TTC39C: variants seen among roughly 807,000 people sequenced by gnomAD.
TTC39C encodes the protein tetratricopeptide repeat domain 39C.
In TTC39C, 33 loss-of-function variants were observed where a neutral mutation model predicts 76.3. That is an observed-to-expected ratio of 0.43 (90% confidence interval 0.33 to 0.58). The LOEUF (loss-of-function observed/expected upper bound fraction) is 0.58, where lower values mean the gene tolerates loss of function less well. TTC39C is among the 20% of genes least tolerant of loss of function. The pLI is 0.04. For synonymous variants in TTC39C, 254 were observed against 260.6 expected (o/e 0.97, Z 0.24); for missense variants, 595 against 701.4 (o/e 0.85, Z 1.71).
At chr18:24,048,919 TG>T (rs2083917560) in intron 1 of TTC39C, among the ~76,000 whole-genome samples, 1 of 152,222 alleles carries the variant, frequency 6.6e-6, no homozygotes, top group Non-Finnish European at 1.5e-5. Context: ...CTTTTTAAAT[TG>T]GTAAAATTTA....
intron 1 of TTC39C, among the ~76,000 whole-genome samples, chr18:23,993,203 G>T (rs773666002): frequency 6.6e-6 from 1 of 152,158 alleles, no homozygotes; most frequent in South Asian, 2.1e-4. Context: ...AAATAGACAA[G>T]ACATATAATG....
chr18:24,050,289 GCCT>G (rs1214740084), intron 1 of TTC39C, among the ~76,000 whole-genome samples: 2 of 152,062 alleles, frequency 1.3e-5, no homozygotes, highest in Non-Finnish European at 2.9e-5. Context: ...GTGAAATGTG[GCCT>G]GGTGCAGTGG....
rs528923077 is a variant in TTC39C, at chr18:24,124,542, C to G, written c.1296+599C>G. Among the ~76,000 whole-genome samples, 12 of 152,256 alleles carry G rather than the reference C, an allele frequency of 7.9e-5. No homozygotes were observed. The East Asian group carries it at 2.3e-3, about 29-fold the overall frequency. On this transcript the variant is annotated intron_variant, in intron 9 of 13. Transcript: ENST00000317571. The stretch of plus-strand genomic sequence containing the variant: ...GGCCCAAGACTGTAGAGACAGTATT[C>G]CTATGTATTCTGTACTTCTGTGAAT...
intron 8 of TTC39C, among the ~76,000 whole-genome samples, chr18:24,121,626 T>A (rs1005986224): frequency 6.6e-6 from 1 of 152,136 alleles, no homozygotes; most frequent in African/African-American, 2.4e-5. Context: ...ATAGGTGGTG[T>A]TCGTTCTTCA....
chr18:24,091,087 G>A (rs1480191886), intron 6 of TTC39C, among the ~76,000 whole-genome samples: 1 of 152,162 alleles, frequency 6.6e-6, no homozygotes, highest in Admixed American at 6.5e-5. Context: ...GATTACAGGC[G>A]TAAGCCGCCA....
chr18:24,096,588 C>T (rs1255869233), intron 6 of TTC39C, among the ~76,000 whole-genome samples: 1 of 152,110 alleles, frequency 6.6e-6, no homozygotes, highest in Non-Finnish European at 1.5e-5. Context: ...ATGAGATGTA[C>T]ATATGGTTTT....
At chr18:24,113,813 A>G (rs1487204927) in intron 6 of TTC39C, 1 of 651,290 alleles carries the variant, frequency 1.5e-6, no homozygotes, top group Non-Finnish European at 2.8e-6. Context: ...AACGAAATGT[A>G]TTTCACTGGG....
At chr18:24,124,031 C>T in intron 9 of TTC39C, 88 bp downstream of exon 9, 2 of 929,170 alleles carry the variant, frequency 2.2e-6, no homozygotes, top group Non-Finnish European at 1.6e-6. Flanking sequence ...AAATTATATT[C>T]AAGGCTGCCT....
chr18:24,045,979 C>A (rs1417006591), intron 1 of TTC39C, among the ~76,000 whole-genome samples: 3 of 117,344 alleles, frequency 2.6e-5, no homozygotes, highest in Admixed American at 2.3e-4. Flanking sequence ...TGCTCTGTCA[C>A]CCAGGCTGGA....
At chr18:24,060,356 C>T (rs564348830) in intron 1 of TTC39C, among the ~76,000 whole-genome samples, 242 of 119,454 alleles carry the variant, frequency 2.0e-3, no homozygotes, top group African/African-American at 7.2e-3. Context: ...CTCTCTCTGT[C>T]GCCCAGGCTG....
intron 1 of TTC39C, among the ~76,000 whole-genome samples, chr18:24,017,137 G>C (rs971160041): frequency 6.6e-6 from 1 of 152,186 alleles, no homozygotes; most frequent in Admixed American, 6.5e-5. Flanking sequence ...GAGGGAAAAA[G>C]ACAGGTAGAC....
intron 1 of TTC39C, among the ~76,000 whole-genome samples, chr18:24,035,259 A>G (rs951542638): frequency 3.3e-5 from 5 of 152,118 alleles, no homozygotes; most frequent in Non-Finnish European, 7.4e-5. Context: ...GCTGGCCTCT[A>G]ACTGCTGGGC....
chr18:24,086,786 G>C (rs139657824), intron 6 of TTC39C, among the ~76,000 whole-genome samples: 109 of 152,298 alleles, frequency 7.2e-4, no homozygotes, highest in African/African-American at 2.5e-3. Flanking sequence ...TTACTACATT[G>C]CTGGGGGGAA....
At chr18:24,088,903 T>C (rs1482211301) in intron 6 of TTC39C, among the ~76,000 whole-genome samples, 2 of 152,368 alleles carry the variant, frequency 1.3e-5, no homozygotes, top group Non-Finnish European at 2.9e-5. Context: ...TGGACCTTAC[T>C]TCCATCCATG....
intron 1 of TTC39C, among the ~76,000 whole-genome samples, chr18:24,009,015 CAA>C (rs1479467917): frequency 2.0e-5 from 3 of 152,074 alleles, no homozygotes; most frequent in African/African-American, 7.2e-5. Context: ...CATATGGACA[CAA>C]AGAGGGGAAC....
Position 24,055,545 on chromosome 18 carries a change from G to A in TTC39C, c.168-8595G>A, listed in dbSNP as rs185847931. On this transcript the variant is annotated intron_variant, in intron 1 of 13. Coordinates refer to ENST00000317571, the MANE Select transcript of TTC39C (RefSeq NM_001135993.2). ...ATTTGTATATCTTCTTTGGAGAAAT[G>A]TCTATTCAAGTTCTTTCCCCAGTTT... 8.5e-5 allele frequency among the ~76,000 whole-genome samples: 13 copies of A among 152,290 alleles called. No homozygotes were observed. In the East Asian group the frequency reaches 2.5e-3, roughly 29 times the overall value.
chr18:24,104,350 C>T (rs980063611), intron 6 of TTC39C, among the ~76,000 whole-genome samples: 1 of 152,160 alleles, frequency 6.6e-6, no homozygotes, highest in African/African-American at 2.4e-5. Context: ...CCCCACTGGC[C>T]TCCTTCCTTC....
intron 6 of TTC39C, among the ~76,000 whole-genome samples, chr18:24,092,092 CAAAAA>C (rs74171390): frequency 1.9e-4 from 13 of 67,596 alleles, no homozygotes; most frequent in East Asian, 5.3e-4. Flanking sequence ...GACTCAGTCT[CAAAAA>C]AAAAAAAAAA....
chr18:24,042,888 T>A (rs533462600), intron 1 of TTC39C, among the ~76,000 whole-genome samples: 1 of 152,268 alleles, frequency 6.6e-6, no homozygotes, highest in African/African-American at 2.4e-5. Flanking sequence ...ATTGAGCATT[T>A]CCTGTGTACT....
Sources: allele counts gnomAD v4.1 joint callset (sites outside exome capture counted in the v4.1 genomes callset), GRCh38; gene constraint gnomAD v4.1.1; transcripts MANE v1.5; gene names NCBI Gene and HGNC (gene_info 2026-07-23, HGNC 2026-07-21).